The following PHLPP2 variants were observed in gnomAD, a reference collection of about 807,000 sequenced individuals.
PHLPP2 encodes the protein PH domain leucine-rich repeat-containing protein phosphatase 2.
A neutral mutation model predicts 124.9 loss-of-function variants in PHLPP2; 66 were observed. The observed-to-expected ratio is 0.53, with a 90% CI of 0.43 to 0.65. The LOEUF (loss-of-function observed/expected upper bound fraction) is 0.65. PHLPP2 is among the 30% of genes least tolerant of loss of function. PHLPP2 has a pLI of 0.00. For missense variants in PHLPP2, 1,685 were observed against 1,600.4 expected (o/e 1.05, Z -0.90); for synonymous variants, 681 against 624.7 (o/e 1.09, Z -1.34).
At chr16:71,680,807 T>C (rs1047704375) in intron 6 of PHLPP2, among the ~76,000 whole-genome samples, 3 of 152,242 alleles carry the variant, frequency 2.0e-5, no homozygotes, top group African/African-American at 7.2e-5. Context: ...GAATTTATGA[T>C]ACAGCCCTCA....
intron 8 of PHLPP2, 35 bp from the exon 9 acceptor site, chr16:71,676,684 A>G (rs763703684): frequency 7.0e-7 from 1 of 1,438,146 alleles, no homozygotes; most frequent in Non-Finnish European, 9.8e-7. Context: ...AATCATAAAT[A>G]AGAGTCTATT....
intron 9 of PHLPP2, among the ~76,000 whole-genome samples, chr16:71,674,165 C>G (rs1026270481): frequency 6.6e-6 from 1 of 151,772 alleles, no homozygotes; most frequent in African/African-American, 2.4e-5. Flanking sequence ...GCAACCTCCA[C>G]CTCCGGGGTT....
rs374059084 is a variant in PHLPP2 at position 71,649,526 on chromosome 16, C to T, written c.3336G>A (p.Pro1112=). The T allele has an allele frequency of 1.4e-5, 23 of 1,614,016 alleles. No homozygotes were observed. The highest frequency in any genetic ancestry group is 9.9e-5 in the South Asian group (9 of 91,078). ...NAGGLDTALL[P]RPERRCSLHP... Reference sequence around the variant, plus strand: ...GGAGGCTGCAGCGCCGCTCTGGCCTCGGAAGCAAGGCAGTGTCCAGGCCCC... The same window carrying T: ...GGAGGCTGCAGCGCCGCTCTGGCCTTGGAAGCAAGGCAGTGTCCAGGCCCC... The change falls in exon 19 of 19, where the codon CCG becomes CCA. Residue 1112 remains proline (P), a synonymous_variant. Coordinates refer to ENST00000568954, the MANE Select transcript of PHLPP2 (RefSeq NM_015020.3).
chr16:71,664,475 G>A (rs988093534), intron 12 of PHLPP2, among the ~76,000 whole-genome samples: 98 of 152,312 alleles, frequency 6.4e-4, no homozygotes, highest in African/African-American at 2.2e-3. Context: ...TGGGCCAGGC[G>A]CAGTGGCTCA....
chr16:71,649,032 G>A lies in PHLPP2; in HGVS notation c.3830C>T (p.Pro1277Leu), dbSNP rs779793714. 5 of 1,614,006 alleles carry A rather than the reference G, an allele frequency of 3.1e-6. No individual in the cohort carries two copies. The highest frequency in any genetic ancestry group is 3.4e-6 in the Non-Finnish European group (4 of 1,180,018). Reference sequence around the variant, plus strand: ...ATGAGGCACAACAAACTGGTCCTCTGGTTCCATCTGAGTGGGGGCAGCAAA... The same window carrying A: ...ATGAGGCACAACAAACTGGTCCTCTAGTTCCATCTGAGTGGGGGCAGCAAA... ...GYFAAPTQME[P>L]EDQFVVPHDL... Residue 1277 changes from proline (P) to leucine (L), a missense_variant, in exon 19 of 19, where the codon CCA becomes CTA. Coordinates refer to ENST00000568954, the MANE Select transcript of PHLPP2 (RefSeq NM_015020.3).
chr16:71,655,052 C>T, intron 17 of PHLPP2, 188 bp downstream of exon 17: 1 of 537,416 alleles, frequency 1.9e-6, no homozygotes, highest in Non-Finnish European at 3.3e-6. Context: ...ACAGATGACC[C>T]CCACAGGCTT....
chr16:71,700,825 T>C (rs536543339), intron 3 of PHLPP2, among the ~76,000 whole-genome samples: 32 of 152,230 alleles, frequency 2.1e-4, no homozygotes, highest in Admixed American at 5.2e-4. Context: ...GCACCTGGCC[T>C]GTGACTCATT....
At chr16:71,688,510 A>G (rs112922770) in intron 4 of PHLPP2, among the ~76,000 whole-genome samples, 4 of 152,168 alleles carry the variant, frequency 2.6e-5, no homozygotes, top group African/African-American at 7.2e-5. Flanking sequence ...TTTATTTTCA[A>G]GACGTTTGCT....
In PHLPP2 at chr16:71,691,806, G is replaced by C. The variant is rs1056786072; in HGVS notation, c.419-1097C>G. On this transcript the variant is annotated intron_variant, in intron 3 of 18. Coordinates refer to ENST00000568954, the MANE Select transcript of PHLPP2 (RefSeq NM_015020.3). ...ATAACAGAAAAGACGTGAAGTTCTT[G>C]GTAAGAGCACTATTAAAAGAAGTGT... Among the ~76,000 whole-genome samples, 41 of 151,830 alleles carry C rather than the reference G, an allele frequency of 2.7e-4. 1 individual carries two copies. The highest frequency in any genetic ancestry group is 2.9e-5 in the Non-Finnish European group (2 of 67,942).
intron 3 of PHLPP2, chr16:71,698,503 A>C: frequency 1.3e-6 from 1 of 745,032 alleles, no homozygotes. Context: ...GGCACCTCGC[A>C]TACCTGTTTG....
chr16:71,707,255 A>G (rs2045282675), intron 2 of PHLPP2, among the ~76,000 whole-genome samples: 1 of 152,068 alleles, frequency 6.6e-6, no homozygotes, highest in Non-Finnish European at 1.5e-5. Flanking sequence ...GCGCCCGGCC[A>G]AGATACACCA....
chr16:71,669,275 C>G lies in PHLPP2; in HGVS notation c.1628G>C (p.Arg543Thr), dbSNP rs771280169. 1.3e-6 allele frequency: 2 copies of G among 1,599,324 alleles called. No homozygotes were observed. The highest frequency in any genetic ancestry group is 1.1e-5 in the South Asian group (1 of 90,816). ...AATATATGCATCCAGGCACACATAC[C>G]TCACGGGAACCTCTGTGAGAAGATT... ...SYNLLTEVPV[R>T]ILSSLSLRKL... Residue 543 changes from arginine to threonine, a missense_variant and splice_region_variant, in exon 11 of 19, where the codon AGA becomes ACA. Transcript: ENST00000568954.
At chr16:71,668,143 G>T (rs1340023652) in intron 11 of PHLPP2, among the ~76,000 whole-genome samples, 1 of 151,422 alleles carries the variant, frequency 6.6e-6, no homozygotes, top group African/African-American at 2.4e-5. Flanking sequence ...CGGGGGTGGT[G>T]GCTCATGCCT....
At chr16:71,676,824 C>A (rs1448631292) in intron 8 of PHLPP2, 175 bp from the exon 9 acceptor site, 1 of 574,860 alleles carries the variant, frequency 1.7e-6, no homozygotes, top group Non-Finnish European at 3.1e-6. Flanking sequence ...TCTCGGTTCA[C>A]TGCAACCTCT....
intron 2 of PHLPP2, among the ~76,000 whole-genome samples, chr16:71,711,434 T>C (rs969552031): frequency 6.6e-6 from 1 of 151,876 alleles, no homozygotes; most frequent in Non-Finnish European, 1.5e-5. Flanking sequence ...TAAAAGTATG[T>C]GGGATTGAAA....
At chr16:71,685,964 C>T (rs887029185) in intron 4 of PHLPP2, among the ~76,000 whole-genome samples, 2 of 152,052 alleles carry the variant, frequency 1.3e-5, no homozygotes, top group Non-Finnish European at 2.9e-5. Context: ...CTTACTAATG[C>T]TTTTTGTATT....
chr16:71,660,507 C>A (rs2044780054), intron 13 of PHLPP2, among the ~76,000 whole-genome samples: 2 of 145,076 alleles, frequency 1.4e-5, no homozygotes, highest in Non-Finnish European at 3.0e-5. Flanking sequence ...CTCGCTGCAA[C>A]CTCTGCCTCC....
At chr16:71,698,192 T>C (rs1036875474) in intron 3 of PHLPP2, among the ~76,000 whole-genome samples, 1 of 152,044 alleles carries the variant, frequency 6.6e-6, no homozygotes, top group South Asian at 2.1e-4. Context: ...GGCAGCACAG[T>C]GGAAGCCCTC....
intron 9 of PHLPP2, among the ~76,000 whole-genome samples, chr16:71,674,813 A>G (rs1287667933): frequency 2.0e-5 from 3 of 152,168 alleles, no homozygotes; most frequent in Non-Finnish European, 4.4e-5. Flanking sequence ...CAAGGCCAAT[A>G]TGGTGAAACC....
Sources: gnomAD v4.1 joint callset for allele counts (sites outside exome capture counted in the v4.1 genomes callset) on GRCh38, gnomAD v4.1.1 for gene constraint, MANE v1.5 for transcripts, NCBI Gene and HGNC (gene_info 2026-07-23, HGNC 2026-07-21) for gene names.